The following DNAH7 variants were observed in gnomAD, a reference collection of about 807,000 sequenced individuals.
DNAH7 encodes dynein axonemal heavy chain 7.
In DNAH7, 397 loss-of-function variants were observed where a neutral mutation model predicts 444.6. That is an observed-to-expected ratio of 0.89 (90% CI 0.82 to 0.97). DNAH7 has a LOEUF of 0.97. Ranked by LOEUF, DNAH7 falls within the 50% of genes least tolerant of loss-of-function variation. The probability of loss-of-function intolerance (pLI) is 0.00; values close to 1 mark genes in which losing one functional copy is unlikely to be tolerated. For synonymous variants in DNAH7, 1,636 were observed against 1,624.4 expected, an observed-to-expected ratio of 1.01 and a Z score of -0.17; for missense variants, 4,902 against 4,800.8, an observed-to-expected ratio of 1.02 and a Z score of -0.62.
intron 18 of DNAH7, among the ~76,000 whole-genome samples, chr2:195,957,925 A>T (rs904381704): frequency 1.3e-5 from 2 of 152,112 alleles, no homozygotes; most frequent in African/African-American, 4.8e-5. Context: ...AGGTATTCCC[A>T]ATCAAGGGTA....
At chr2:196,026,693 T>C (rs1259084818) in intron 7 of DNAH7, 67 bp downstream of exon 7, 1 of 1,120,152 alleles carries the variant, frequency 8.9e-7, no homozygotes, top group Non-Finnish European at 1.3e-6. Flanking sequence ...TAGGTATTAT[T>C]AATACAAAAA....
chr2:195,830,531 C>A (rs1332072740), intron 48 of DNAH7, among the ~76,000 whole-genome samples: 4 of 152,118 alleles, frequency 2.6e-5, no homozygotes, highest in Non-Finnish European at 5.9e-5. Context: ...CTATCAGGTG[C>A]CCTTAAGCAG....
rs1695656342 is a variant in DNAH7, at chr2:195,787,078, A to AT, written c.10809_10810insA (p.Tyr3604IlefsTer2). ...CTCAGATCTGTCTCATTGAACTCAT[A>AT]AGGAATATTCCACCCTAGGGGTCCA... On this transcript the variant is annotated frameshift_variant, in exon 58 of 65. Coordinates refer to ENST00000312428, the MANE Select transcript of DNAH7 (RefSeq NM_018897.3). LOFTEE classifies it high-confidence loss of function. 1 of 1,612,716 alleles carries AT rather than the reference A, an allele frequency of 6.2e-7. No homozygotes were observed. The highest frequency in any genetic ancestry group is 1.3e-5 in the African/African-American group (1 of 74,842).
chr2:195,796,513 T>A, intron 56 of DNAH7, 63 bp downstream of exon 56: 1 of 1,570,112 alleles, frequency 6.4e-7, no homozygotes, highest in South Asian at 1.2e-5. Flanking sequence ...TACCCGAATG[T>A]TATGTATATT....
At chr2:195,920,923 T>C (rs562433876) in intron 24 of DNAH7, among the ~76,000 whole-genome samples, 1 of 152,124 alleles carries the variant, frequency 6.6e-6, no homozygotes, top group Non-Finnish European at 1.5e-5. Context: ...TAGACAATTA[T>C]CAAAAGAAGA....
intron 3 of DNAH7, among the ~76,000 whole-genome samples, chr2:196,050,500 T>A (rs930282381): frequency 6.6e-6 from 1 of 152,228 alleles, no homozygotes; most frequent in Non-Finnish European, 1.5e-5. Context: ...TTTTATGTTA[T>A]GTATATTTTA....
Position 195,978,779 on chromosome 2 carries a change from G to A in DNAH7, c.1833+5853C>T, listed in dbSNP as rs116421413. 4.2e-3 allele frequency among the ~76,000 whole-genome samples: 643 copies of A among 152,128 alleles called. 6 individuals carry two copies. The highest frequency in any genetic ancestry group is 0.014 in the African/African-American group (582 of 41,528). ...CAAAAGAGACCCGGAGTAGCTACACGTATATCAGAAAAAGTAGATTTCAAG... is the reference window on the plus strand; with the variant it reads ...CAAAAGAGACCCGGAGTAGCTACACATATATCAGAAAAAGTAGATTTCAAG... On this transcript the variant is annotated intron_variant, in intron 15 of 64. Coordinates refer to ENST00000312428, the MANE Select transcript of DNAH7 (RefSeq NM_018897.3).
chr2:195,973,544 T>C (rs1691990071), intron 15 of DNAH7, among the ~76,000 whole-genome samples: 1 of 152,192 alleles, frequency 6.6e-6, no homozygotes, highest in Admixed American at 6.5e-5. Context: ...CAATCTCGGC[T>C]GACTGCAACC....
At chr2:195,780,782 AT>A (rs1574421861) in intron 58 of DNAH7, among the ~76,000 whole-genome samples, 2 of 151,898 alleles carry the variant, frequency 1.3e-5, no homozygotes, top group African/African-American at 4.8e-5. Context: ...AAAAATATAT[AT>A]ATTTTTATAC....
At chr2:195,938,026 G>C (rs1689168669) in intron 19 of DNAH7, among the ~76,000 whole-genome samples, 1 of 152,004 alleles carries the variant, frequency 6.6e-6, no homozygotes, top group Admixed American at 6.6e-5. Flanking sequence ...CCATGACTGA[G>C]AGATAACCAA....
chr2:195,854,963 G>C (rs1699607218), intron 45 of DNAH7, among the ~76,000 whole-genome samples: 1 of 152,146 alleles, frequency 6.6e-6, no homozygotes, highest in Non-Finnish European at 1.5e-5. Context: ...AGTTACTATA[G>C]AAAGAGGCAG....
intron 27 of DNAH7, chr2:195,904,069 A>G (rs1297816292): frequency 1.3e-5 from 2 of 152,270 alleles, no homozygotes; most frequent in South Asian, 2.1e-4. Context: ...GCTCTCCAAC[A>G]GTGAAGTTTA....
At position 195,816,791 on chromosome 2, in the gene DNAH7, G is replaced by A. The variant is rs368270830; in HGVS notation, c.9598C>T (p.Arg3200Cys). 42 of 1,614,014 alleles carry A rather than the reference G, an allele frequency of 2.6e-5. No homozygotes were observed. The highest frequency in any genetic ancestry group is 5.5e-5 in the South Asian group (5 of 91,086). ...EETEKKIDTT[R>C]MGYRPIAIHS... ...ATGGCAATAGGACGATAGCCCATGC[G>A]GGTGGTGTCAATCTTTTTCTCTGTC... The change falls in exon 51 of 65, where the codon CGC (arginine) becomes TGC (cysteine). Residue 3200 changes from arginine to cysteine, a missense_variant. Transcript: ENST00000312428.
intron 5 of DNAH7, among the ~76,000 whole-genome samples, chr2:196,041,860 AAAT>A (rs146323930): frequency 1.8e-4 from 27 of 151,670 alleles, no homozygotes; most frequent in South Asian, 4.2e-4. Context: ...ACTCAACAAC[AAAT>A]AATAATAATA....
chr2:195,875,677 G>T lies in DNAH7; in HGVS notation c.6284C>A (p.Pro2095Gln). 6.4e-7 allele frequency: 1 copy of T among 1,561,932 alleles called. No homozygotes were observed. The highest frequency in any genetic ancestry group is 8.7e-7 in the Non-Finnish European group (1 of 1,154,920). ...DIQIMCAMGP[P>Q]GGGRNPVTPR... ...AATCACAAACTCAAAAAATGTACCT[G>T]GAGGTCCCATAGCACACATGATCTG... Residue 2095 changes from proline (P) to glutamine (Q), a missense_variant and splice_region_variant, in exon 38 of 65, where the codon CCA (proline) becomes CAA (glutamine). Pro to Gln is a moderately conservative substitution (Grantham distance 76). Coordinates refer to ENST00000312428, the MANE Select transcript of DNAH7 (RefSeq NM_018897.3).
At chr2:195,856,517 C>T (rs2125058560) in intron 44 of DNAH7, among the ~76,000 whole-genome samples, 1 of 152,226 alleles carries the variant, frequency 6.6e-6, no homozygotes, top group South Asian at 2.1e-4. Context: ...TTAAATTAAT[C>T]ATTAACTAAT....
At chr2:195,807,950 G>A (rs1696787955) in intron 53 of DNAH7, among the ~76,000 whole-genome samples, 1 of 152,180 alleles carries the variant, frequency 6.6e-6, no homozygotes, top group Non-Finnish European at 1.5e-5. Flanking sequence ...AACAATATAG[G>A]TTGTATAGGT....
chr2:195,992,380 T>A (rs1479769659), intron 12 of DNAH7, among the ~76,000 whole-genome samples: 1 of 152,212 alleles, frequency 6.6e-6, no homozygotes, highest in Non-Finnish European at 1.5e-5. Context: ...CTTTGTTTTT[T>A]TCCCAAACTT....
At chr2:195,900,093 C>T (rs571641553) in intron 28 of DNAH7, among the ~76,000 whole-genome samples, 189 bp downstream of exon 28, 1 of 152,228 alleles carries the variant, frequency 6.6e-6, no homozygotes, top group South Asian at 2.1e-4. Context: ...CTAAGAATTA[C>T]ACGTGTAAGG....
Sources: allele counts gnomAD v4.1 joint callset (sites outside exome capture counted in the v4.1 genomes callset), GRCh38; gene constraint gnomAD v4.1.1; transcripts MANE v1.5; gene names NCBI Gene and HGNC (gene_info 2026-07-23, HGNC 2026-07-21).